The following PCDHA5 variants were observed in gnomAD, a reference collection of about 807,000 sequenced individuals.
The protein encoded by PCDHA5 is protocadherin alpha-5.
Under a neutral mutation model 61.6 loss-of-function variants are expected in PCDHA5, and 43 were observed. The observed-to-expected ratio is 0.70, with a 90% CI of 0.55 to 0.90. PCDHA5 has a LOEUF of 0.90. Ranked by LOEUF, PCDHA5 falls within the 40% of genes least tolerant of loss-of-function variation. The pLI is 0.00. For missense variants in PCDHA5, 1,298 were observed against 1,222.7 expected (o/e 1.06, Z -0.92); for synonymous variants, 627 against 543.9 (o/e 1.15, Z -2.13).
At chr5:140,969,819 A>G (rs2096362307) in intron 1 of PCDHA5, among the ~76,000 whole-genome samples, 1 of 152,168 alleles carries the variant, frequency 6.6e-6, no homozygotes, top group African/African-American at 2.4e-5. Context: ...TATACTCTGG[A>G]CTGTCTACAG....
rs782035990 is a variant in PCDHA5 at position 140,871,124 on chromosome 5, C to A, written c.2352+46997C>A. 142 of 1,613,206 alleles carry A rather than the reference C, an allele frequency of 8.8e-5. No individual in the cohort carries two copies. The highest frequency in any genetic ancestry group is 1.2e-4 in the Non-Finnish European group (138 of 1,179,888). Reference sequence around the variant, plus strand: ...GTGTCGTTGGTGGAGAGCGGACAGGCGCCAAAGGCCTCTTCCCGGACTTTG... The same window carrying A: ...GTGTCGTTGGTGGAGAGCGGACAGGAGCCAAAGGCCTCTTCCCGGACTTTG... On this transcript the variant is annotated intron_variant, in intron 1 of 3. Coordinates refer to ENST00000529859, the MANE Select transcript of PCDHA5 (RefSeq NM_018908.3).
At chr5:140,927,581 C>T (rs1554204769) in intron 1 of PCDHA5, 1 of 1,614,150 alleles carries the variant, frequency 6.2e-7, no homozygotes, top group East Asian at 2.2e-5. Context: ...AATGACAACG[C>T]GCCTGTATTT....
chr5:140,967,779 C>G, intron 1 of PCDHA5: 1 of 1,614,222 alleles, frequency 6.2e-7, no homozygotes, highest in Non-Finnish European at 8.5e-7. Flanking sequence ...GTGCAGGCGA[C>G]TGACCGGGGT....
intron 1 of PCDHA5, among the ~76,000 whole-genome samples, chr5:140,970,269 A>G (rs1410341195): frequency 6.6e-6 from 1 of 152,184 alleles, no homozygotes; most frequent in East Asian, 1.9e-4. Flanking sequence ...TTTTGATGAG[A>G]TGTAAAGTAG....
chr5:141,010,405 C>A lies in PCDHA5; in HGVS notation c.*468C>A. The A allele has an allele frequency of 7.9e-7, 1 of 1,260,098 alleles. No homozygotes were observed. The highest frequency in any genetic ancestry group is 1.1e-6 in the Non-Finnish European group (1 of 934,062). The allele number at this position is 1,260,098 out of a possible 1,614,324, so 78.1% of individuals were successfully genotyped here. On this transcript the variant is annotated 3_prime_UTR_variant, in exon 4 of 4. Transcript: ENST00000529859. ...ATTGGCTGAGACGAGCCAGCTTAGACTAATTGGTACAAGGAAGGCAAGAAA... is the reference window on the plus strand; with the variant it reads ...ATTGGCTGAGACGAGCCAGCTTAGAATAATTGGTACAAGGAAGGCAAGAAA...
At chr5:140,904,642 C>G (rs1257685945) in intron 1 of PCDHA5, among the ~76,000 whole-genome samples, 2 of 152,132 alleles carry the variant, frequency 1.3e-5, no homozygotes, top group Non-Finnish European at 2.9e-5. Context: ...AATCTCCACA[C>G]TGTTTTCCAT....
intron 3 of PCDHA5, among the ~76,000 whole-genome samples, chr5:140,989,765 C>T (rs2097359812): frequency 6.6e-6 from 1 of 152,166 alleles, no homozygotes; most frequent in South Asian, 2.1e-4. Context: ...ATATTCAGTT[C>T]AAGCACTGGC....
chr5:140,995,233 G>A (rs1359304274), intron 3 of PCDHA5, among the ~76,000 whole-genome samples: 1 of 152,128 alleles, frequency 6.6e-6, no homozygotes, highest in Non-Finnish European at 1.5e-5. Flanking sequence ...TTTGGGGCCA[G>A]TATTAAGTAA....
intron 1 of PCDHA5, chr5:140,848,493 G>A (rs2150411274): frequency 7.0e-6 from 11 of 1,576,596 alleles, no homozygotes; most frequent in Middle Eastern, 3.4e-4. Context: ...CTGAGTATTT[G>A]AAATGTTATA....
chr5:140,953,564 GC>G (rs543933826), intron 1 of PCDHA5, among the ~76,000 whole-genome samples: 356 of 152,176 alleles, frequency 2.3e-3, no homozygotes, highest in African/African-American at 7.9e-3. Context: ...AAGTTTTAGT[GC>G]CCTCCTCTCC....
intron 1 of PCDHA5, chr5:140,871,159 G>A (rs781816033): frequency 1.2e-6 from 2 of 1,613,450 alleles, no homozygotes; most frequent in African/African-American, 1.3e-5. Flanking sequence ...GGCGGGCGCC[G>A]CGAGCCCAGA....
intron 1 of PCDHA5, chr5:140,876,199 G>A (rs1343468592): frequency 6.2e-7 from 1 of 1,613,822 alleles, no homozygotes; most frequent in African/African-American, 1.3e-5. Context: ...TCCGGCGTTT[G>A]ATAAGCCCAG....
intron 1 of PCDHA5, chr5:140,868,276 C>T (rs2050375719): frequency 6.6e-6 from 1 of 151,768 alleles, no homozygotes; most frequent in African/African-American, 2.4e-5. Flanking sequence ...TTTAAAACTA[C>T]CAAGTTTGAG....
chr5:140,869,106 G>A (rs1300691956), intron 1 of PCDHA5: 1 of 1,602,672 alleles, frequency 6.2e-7, no homozygotes, highest in Non-Finnish European at 8.5e-7. Flanking sequence ...CGTATGCGAT[G>A]TTTGGTTTTC....
At position 140,944,959 on chromosome 5, in the gene PCDHA5, A is replaced by C. The variant is rs183198577; in HGVS notation, c.2353-33990A>C. Among the ~76,000 whole-genome samples, 72 of 152,254 alleles carry C rather than the reference A, an allele frequency of 4.7e-4. No individual in the cohort carries two copies. The East Asian group carries it at 0.012, about 25-fold the overall frequency. ...TTAGATGATTGTGAATAAGAGTATT[A>C]TCTTAACCTCTCTGGTGGGTCTACT... On this transcript the variant is annotated intron_variant, in intron 1 of 3. Coordinates refer to ENST00000529859, the MANE Select transcript of PCDHA5 (RefSeq NM_018908.3).
chr5:140,841,977 A>C (rs2150326708), intron 1 of PCDHA5: 127 of 1,613,770 alleles, frequency 7.9e-5, no homozygotes, highest in Non-Finnish European at 1.1e-4. Flanking sequence ...GATGGGGGCA[A>C]ACCTGAGCTC....
chr5:140,856,563 G>A (rs1554148859), intron 1 of PCDHA5: 3 of 1,597,526 alleles, frequency 1.9e-6, no homozygotes, highest in Middle Eastern at 1.7e-4. Context: ...TACAAACTCA[G>A]TCCAAATGAG....
intron 1 of PCDHA5, chr5:140,883,262 G>A (rs1211665444): frequency 6.2e-7 from 1 of 1,613,838 alleles, no homozygotes; most frequent in Non-Finnish European, 8.5e-7. Context: ...TCCAATGGCG[G>A]GTCATTGTAC....
At position 140,957,203 on chromosome 5, in the gene PCDHA5, A is replaced by T. The variant is rs921844658; in HGVS notation, c.2353-21746A>T. 3.3e-5 allele frequency among the ~76,000 whole-genome samples: 5 copies of T among 152,184 alleles called. 1 individual carries two copies. In the South Asian group the frequency reaches 6.2e-4, roughly 19 times the overall value. ...TATTGATGACCGATTGGGAATATAAATAGGCACAAAAATTTGGCGAAGCAT... is the reference window on the plus strand; with the variant it reads ...TATTGATGACCGATTGGGAATATAATTAGGCACAAAAATTTGGCGAAGCAT... On this transcript the variant is annotated intron_variant, in intron 1 of 3. Transcript: ENST00000529859.
Sources: gnomAD v4.1 joint callset for allele counts (sites outside exome capture counted in the v4.1 genomes callset) on GRCh38, gnomAD v4.1.1 for gene constraint, MANE v1.5 for transcripts, NCBI Gene and HGNC (gene_info 2026-07-23, HGNC 2026-07-21) for gene names.